The following USP15 variants were observed in gnomAD, a reference collection of about 807,000 sequenced individuals.
USP15 encodes the protein ubiquitin specific peptidase 15, also known as ubiquitin carboxyl-terminal hydrolase 15.
A neutral mutation model predicts 127.1 loss-of-function variants in USP15; 18 were observed. That is an observed-to-expected ratio of 0.14 (90% CI 0.10 to 0.21). The LOEUF is 0.21. Among genes scored for constraint, USP15 ranks in the 10% least tolerant of loss-of-function variants. USP15 has a pLI of 1.00. For synonymous variants in USP15, 364 were observed against 393.7 expected, an observed-to-expected ratio of 0.92 and a Z score of 0.89; for missense variants, 805 against 1,159.9, an observed-to-expected ratio of 0.69 and a Z score of 4.44.
At chr12:62,396,828 T>G (rs1266865022) in intron 20 of USP15, among the ~76,000 whole-genome samples, 2 of 152,236 alleles carry the variant, frequency 1.3e-5, no homozygotes, top group Non-Finnish European at 2.9e-5. Context: ...TTCTCACTGC[T>G]TATGATTTAC....
Position 62,407,317 on chromosome 12 carries a change from C to T in USP15, c.*2942C>T, listed in dbSNP as rs2067900092. 2 of 152,178 alleles carry T rather than the reference C, an allele frequency of 1.3e-5. No homozygotes were observed. Among genetic ancestry groups the T allele is most frequent in the Non-Finnish European group, 2.9e-5 (2 of 68,028 alleles). The allele number at this position is 152,178 out of a possible 1,614,324, so 9.4% of individuals were successfully genotyped here. ...TATGGGGTAGAGCCAATATTCTATC[C>T]TCAGATATATACTACCTCTCACTGT... On this transcript the variant is annotated 3_prime_UTR_variant, in exon 22 of 22. Transcript: ENST00000280377.
At position 62,270,404 on chromosome 12, in the gene USP15, G is replaced by T. The variant is rs75176756; in HGVS notation, c.89+9901G>T. Among the ~76,000 whole-genome samples the T allele has an allele frequency of 4.7e-3, 710 of 151,740 alleles. 7 individuals carry two copies. Among genetic ancestry groups the T allele is most frequent in the African/African-American group, 0.017 (694 of 41,396 alleles). On this transcript the variant is annotated intron_variant, in intron 1 of 21. Coordinates refer to ENST00000280377, the MANE Select transcript of USP15 (RefSeq NM_001252078.2). ...GCCTGTTTTTTCCTTTGTCACTTTTGCTTTTGGTATCATGTCTAAGAAGGC... is the reference window on the plus strand; with the variant it reads ...GCCTGTTTTTTCCTTTGTCACTTTTTCTTTTGGTATCATGTCTAAGAAGGC...
intron 6 of USP15, among the ~76,000 whole-genome samples, chr12:62,329,523 G>C (rs1032644134): frequency 6.6e-6 from 1 of 152,138 alleles, no homozygotes; most frequent in Non-Finnish European, 1.5e-5. Context: ...TTAAAAGTCA[G>C]ATGTCAGCTT....
intron 1 of USP15, among the ~76,000 whole-genome samples, chr12:62,285,886 A>C (rs1400560032): frequency 6.6e-6 from 1 of 152,148 alleles, no homozygotes; most frequent in Non-Finnish European, 1.5e-5. Context: ...AGGTTGTACT[A>C]ATTTCCATTC....
chr12:62,261,499 GGCATAGTGAA>G (rs1223103853), intron 1 of USP15, among the ~76,000 whole-genome samples: 3 of 152,102 alleles, frequency 2.0e-5, no homozygotes, highest in African/African-American at 7.2e-5. Context: ...GTTTCAGTAT[GGCATAGTGAA>G]AGGAACAGTA....
chr12:62,389,360 T>C, intron 11 of USP15, 71 bp from the exon 12 acceptor site: 2 of 1,266,336 alleles, frequency 1.6e-6, no homozygotes, highest in African/African-American at 1.5e-5. Context: ...ATAGCAACCA[T>C]GAGGTCACTC....
chr12:62,388,284 C>T (rs2137602048), intron 11 of USP15, among the ~76,000 whole-genome samples: 1 of 152,170 alleles, frequency 6.6e-6, no homozygotes, highest in South Asian at 2.1e-4. Context: ...AGGTGTGCGC[C>T]TCCGAGCCCA....
chr12:62,266,811 A>G (rs1043846648), intron 1 of USP15, among the ~76,000 whole-genome samples: 1 of 152,120 alleles, frequency 6.6e-6, no homozygotes, highest in Non-Finnish European at 1.5e-5. Flanking sequence ...ACCAGCGGAC[A>G]TTTATTAAAT....
Position 62,411,173 on chromosome 12 carries a change from A to T in USP15, c.*6798A>T, listed in dbSNP as rs567554194. ...ATCCTTGAGGAATCCCACTTTACAG[A>T]TGTAGAAGCTGAGGGCTAGAAGGAG... On this transcript the variant is annotated 3_prime_UTR_variant, in exon 22 of 22. Transcript: ENST00000280377. 6.6e-6 allele frequency: 1 copy of T among 152,332 alleles called. No individual in the cohort carries two copies. Among genetic ancestry groups the T allele is most frequent in the South Asian group, 2.1e-4 (1 of 4,824 alleles). The allele number at this position is 152,332 out of a possible 1,614,324, so 9.4% of individuals were successfully genotyped here.
chr12:62,276,851 T>C (rs1404112983), intron 1 of USP15, among the ~76,000 whole-genome samples: 1 of 152,138 alleles, frequency 6.6e-6, no homozygotes, highest in Non-Finnish European at 1.5e-5. Context: ...TTATGAATTT[T>C]TTCAGAAATA....
chr12:62,382,163 C>T (rs1270404027), intron 9 of USP15, among the ~76,000 whole-genome samples: 1 of 151,952 alleles, frequency 6.6e-6, no homozygotes, highest in Non-Finnish European at 1.5e-5. Flanking sequence ...ATTAAATGTA[C>T]TTTCAATATA....
chr12:62,386,796 A>G (rs1005069324), intron 11 of USP15, among the ~76,000 whole-genome samples: 5 of 152,196 alleles, frequency 3.3e-5, no homozygotes, highest in East Asian at 1.9e-4. Context: ...TTTCAGAAAG[A>G]TGATTCTGGG....
At chr12:62,402,072 AT>A (rs2067708569) in intron 21 of USP15, among the ~76,000 whole-genome samples, 1 of 151,750 alleles carries the variant, frequency 6.6e-6, no homozygotes, top group African/African-American at 2.4e-5. Context: ...AAGAAAATCA[AT>A]TCTGTTCTCC....
chr12:62,325,952 T>A lies in USP15; in HGVS notation c.683+19T>A. On this transcript the variant is annotated intron_variant, in intron 6 of 21. Transcript: ENST00000280377. Reference sequence around the variant, plus strand: ...CTCCTAAGTAAGTGCTCCCACTTCTTATGGCTTATTGTATGATTTTGAAGC... The same window carrying A: ...CTCCTAAGTAAGTGCTCCCACTTCTAATGGCTTATTGTATGATTTTGAAGC... 6.2e-7 allele frequency: 1 copy of A among 1,600,888 alleles called. No homozygotes were observed.
intron 1 of USP15, among the ~76,000 whole-genome samples, chr12:62,292,623 C>T (rs1189461327): frequency 6.6e-6 from 1 of 152,204 alleles, no homozygotes; most frequent in Admixed American, 6.5e-5. Context: ...ACAGAGGCCA[C>T]TTGGCCAGTG....
chr12:62,303,801 T>C (rs1349361423), intron 3 of USP15, among the ~76,000 whole-genome samples: 2 of 152,210 alleles, frequency 1.3e-5, no homozygotes, highest in African/African-American at 2.4e-5. Context: ...ATTTTCTGAA[T>C]AGATCTTGAA....
At chr12:62,312,280 T>C in intron 3 of USP15, 2 of 344,588 alleles carry the variant, frequency 5.8e-6, no homozygotes, top group Non-Finnish European at 1.2e-5. Context: ...TCTCTTCCCA[T>C]TTCAGGGAGG....
At chr12:62,397,351 C>G (rs2067523953) in intron 20 of USP15, among the ~76,000 whole-genome samples, 1 of 152,184 alleles carries the variant, frequency 6.6e-6, no homozygotes, top group Non-Finnish European at 1.5e-5. Flanking sequence ...ACCTGTAAAG[C>G]CATCTAGGCT....
intron 3 of USP15, among the ~76,000 whole-genome samples, chr12:62,308,141 C>T (rs992978268): frequency 6.6e-6 from 1 of 151,974 alleles, no homozygotes; most frequent in East Asian, 1.9e-4. Context: ...TATATGTCTT[C>T]AAAGGCTTAT....
Sources: gnomAD v4.1 joint callset for allele counts (sites outside exome capture counted in the v4.1 genomes callset) on GRCh38, gnomAD v4.1.1 for gene constraint, MANE v1.5 for transcripts, NCBI Gene and HGNC (gene_info 2026-07-23, HGNC 2026-07-21) for gene names.